Variants in TBCA observed in about 807,000 individuals in gnomAD.
The protein encoded by TBCA is tubulin-specific chaperone A.
In TBCA, 6 loss-of-function variants were observed where a neutral mutation model predicts 15.8. That is an observed-to-expected ratio of 0.38 (90% confidence interval 0.21 to 0.75). TBCA has a LOEUF of 0.75. Among genes scored for constraint, TBCA ranks in the 30% least tolerant of loss-of-function variants. The probability of loss-of-function intolerance (pLI) is 0.46; values close to 1 mark genes in which losing one functional copy is unlikely to be tolerated. For missense variants in TBCA, 90 were observed against 131.2 expected (o/e 0.69, Z 1.53); for synonymous variants, 32 against 42.3 (o/e 0.76, Z 0.94).
At chr5:77,774,655 T>A (rs1313939625) in intron 1 of TBCA, among the ~76,000 whole-genome samples, 1 of 152,218 alleles carries the variant, frequency 6.6e-6, no homozygotes, top group Non-Finnish European at 1.5e-5. Context: ...TATTGATTGA[T>A]GTCTTCTGTC....
At chr5:77,756,908 G>A (rs1299325263) in intron 1 of TBCA, among the ~76,000 whole-genome samples, 1 of 151,796 alleles carries the variant, frequency 6.6e-6, no homozygotes, top group Non-Finnish European at 1.5e-5. Flanking sequence ...TTAAGAGTTC[G>A]AGTCATTAAA....
intron 3 of TBCA, chr5:77,692,627 G>A (rs1745779573): frequency 1.0e-6 from 1 of 984,802 alleles, no homozygotes; most frequent in South Asian, 4.7e-5. Flanking sequence ...TACTTTCTCA[G>A]CTACTAGATT....
chr5:77,693,264 A>G lies in TBCA; in HGVS notation c.246+2T>C. The G allele has an allele frequency of 1.2e-6, 2 of 1,613,780 alleles. No individual in the cohort carries two copies. The highest frequency in any genetic ancestry group is 1.1e-5 in the South Asian group (1 of 90,968). ...AAACATGACACAGAAGTCTTTGCTT[A>G]CTAGTATCCGTTGAAGATCCAAATA... is the stretch of plus-strand genomic sequence containing the variant. On this transcript the variant is annotated splice_donor_variant, in intron 3 of 3. Coordinates refer to ENST00000380377, the MANE Select transcript of TBCA (RefSeq NM_004607.3). LOFTEE classifies it high-confidence loss of function.
chr5:77,753,438 T>A (rs1168771694), intron 1 of TBCA, among the ~76,000 whole-genome samples: 5 of 152,216 alleles, frequency 3.3e-5, no homozygotes, highest in Non-Finnish European at 5.9e-5. Flanking sequence ...CCTGCTTTTT[T>A]AAAAACATTC....
intron 1 of TBCA, among the ~76,000 whole-genome samples, chr5:77,728,258 C>T (rs1746675481): frequency 6.6e-6 from 1 of 151,966 alleles, no homozygotes; most frequent in Non-Finnish European, 1.5e-5. Context: ...AAAGAGGCCC[C>T]CAGAAAGGGC....
Position 77,708,418 on chromosome 5 carries a change from T to C in TBCA, c.54-71A>G, listed in dbSNP as rs558560713. ...GACCATAAGAAAGAAACTGTGTAAA[T>C]ATAAAACATATTATATTTAAAATAC... On this transcript the variant is annotated intron_variant, in intron 1 of 3. Coordinates refer to ENST00000380377, the MANE Select transcript of TBCA (RefSeq NM_004607.3). 915 of 846,750 alleles carry C rather than the reference T, an allele frequency of 1.1e-3. 1 individual carries two copies. The highest frequency in any genetic ancestry group is 2.0e-3 in the Admixed American group (75 of 37,946). The allele number at this position is 846,750 out of a possible 1,614,324, so 52.5% of individuals were successfully genotyped here.
At chr5:77,710,405 G>A (rs1362996303) in intron 1 of TBCA, among the ~76,000 whole-genome samples, 1 of 152,108 alleles carries the variant, frequency 6.6e-6, no homozygotes, top group African/African-American at 2.4e-5. Context: ...TATCACAAAA[G>A]ATATTTATCT....
At chr5:77,742,204 T>G (rs1747054176) in intron 1 of TBCA, among the ~76,000 whole-genome samples, 1 of 152,210 alleles carries the variant, frequency 6.6e-6, no homozygotes, top group Non-Finnish European at 1.5e-5. Context: ...TAAGCATCCC[T>G]AATCCAAACA....
intron 2 of TBCA, among the ~76,000 whole-genome samples, chr5:77,699,033 C>CAAAAAAATAAA (rs1745939428): frequency 1.4e-5 from 1 of 70,100 alleles, no homozygotes; most frequent in Admixed American, 1.9e-4. Flanking sequence ...GCAAGAGCAT[C>CAAAAAAATAAA]AAAAAAAAAA....
intron 1 of TBCA, among the ~76,000 whole-genome samples, chr5:77,773,103 C>G (rs1747949205): frequency 6.6e-6 from 1 of 152,172 alleles, no homozygotes; most frequent in South Asian, 2.1e-4. Flanking sequence ...TGACATAACC[C>G]AAGCAAGTCT....
At chr5:77,738,361 ATGGCCCTAAGTAAGTTAC>A (rs1027106141) in intron 1 of TBCA, among the ~76,000 whole-genome samples, 24 of 152,334 alleles carry the variant, frequency 1.6e-4, no homozygotes, top group African/African-American at 5.3e-4. Context: ...TGCTATATAT[ATGGCCCTAAGTAAGTTAC>A]TTGCCCCCTG....
intron 1 of TBCA, among the ~76,000 whole-genome samples, chr5:77,749,282 AATT>A (rs1747260102): frequency 6.6e-6 from 1 of 152,250 alleles, no homozygotes; most frequent in Admixed American, 6.5e-5. Flanking sequence ...GTGGCTACAA[AATT>A]ATTACAGTAG....
intron 1 of TBCA, among the ~76,000 whole-genome samples, chr5:77,753,805 C>A (rs1747411909): frequency 6.6e-6 from 1 of 152,190 alleles, no homozygotes; most frequent in African/African-American, 2.4e-5. Context: ...GTTGCCCAGG[C>A]TGGAGTGCAG....
intron 2 of TBCA, among the ~76,000 whole-genome samples, chr5:77,703,926 T>A (rs78260736): frequency 0.085 from 10,831 of 127,084 alleles, 537 homozygotes; most frequent in South Asian, 0.17. Context: ...TGATAGTGAG[T>A]GAGTTCTCAT....
intron 1 of TBCA, among the ~76,000 whole-genome samples, chr5:77,724,928 G>A (rs530440666): frequency 3.3e-5 from 5 of 152,158 alleles, no homozygotes; most frequent in East Asian, 3.9e-4. Flanking sequence ...ATATAAATTC[G>A]TAACATCATC....
intron 1 of TBCA, among the ~76,000 whole-genome samples, chr5:77,761,598 T>A (rs1284332087): frequency 2.0e-5 from 3 of 148,732 alleles, no homozygotes; most frequent in African/African-American, 5.0e-5. Context: ...CCCTGCCACA[T>A]CCCCCTCTCC....
chr5:77,763,457 C>T (rs1190224590), intron 1 of TBCA, among the ~76,000 whole-genome samples: 3 of 152,100 alleles, frequency 2.0e-5, no homozygotes, highest in Non-Finnish European at 4.4e-5. Context: ...GCATTGCAAG[C>T]GACTAAATGT....
At chr5:77,726,767 T>C (rs1157124212) in intron 1 of TBCA, among the ~76,000 whole-genome samples, 1 of 152,162 alleles carries the variant, frequency 6.6e-6, no homozygotes, top group East Asian at 1.9e-4. Flanking sequence ...ATTAAAATTA[T>C]GTTCATTAGT....
chr5:77,743,420 G>A (rs1747095247), intron 1 of TBCA, among the ~76,000 whole-genome samples: 1 of 152,248 alleles, frequency 6.6e-6, no homozygotes, highest in Admixed American at 6.5e-5. Context: ...TGGAGAGGAA[G>A]TTAGAGAAAG....
Sources: gnomAD v4.1 joint callset for allele counts (sites outside exome capture counted in the v4.1 genomes callset) on GRCh38, gnomAD v4.1.1 for gene constraint, MANE v1.5 for transcripts, NCBI Gene and HGNC (gene_info 2026-07-23, HGNC 2026-07-21) for gene names.